TGDS: variants seen among roughly 807,000 people sequenced by gnomAD.
The protein encoded by TGDS is UDP-D-glucose 4,6-dehydratase.
In TGDS, 47 loss-of-function variants were observed where a neutral mutation model predicts 52.3. That is an observed-to-expected ratio of 0.90 (90% confidence interval 0.71 to 1.15). The LOEUF (loss-of-function observed/expected upper bound fraction) is 1.15. Among genes scored for constraint, TGDS ranks in the 50% most tolerant of loss-of-function variants. TGDS has a pLI of 0.00. For synonymous variants in TGDS, 115 were observed against 136.9 expected, an observed-to-expected ratio of 0.84 and a Z score of 1.12; for missense variants, 375 against 418.4, an observed-to-expected ratio of 0.90 and a Z score of 0.90.
chr13:94,592,433 AGT>A, intron 2 of TGDS, 124 bp from the exon 3 acceptor site: 2 of 722,336 alleles, frequency 2.8e-6, no homozygotes. Context: ...GTCCTCTTAA[AGT>A]GTGTTTGCTC....
At chr13:94,580,966 G>A (rs757039903) in intron 6 of TGDS, 125 bp downstream of exon 6, 114 of 534,456 alleles carry the variant, frequency 2.1e-4, no homozygotes, top group Non-Finnish European at 3.1e-4. Context: ...GATTGCGACT[G>A]TCTCCGAACA....
intron 6 of TGDS, 96 bp from the exon 7 acceptor site, chr13:94,580,049 C>T (rs534404092): frequency 1.3e-6 from 1 of 744,748 alleles, no homozygotes; most frequent in East Asian, 2.8e-5. Flanking sequence ...GCACCTTTGC[C>T]TAAATAATTC....
Position 94,596,098 on chromosome 13 carries a change from G to A in TGDS, c.39C>T (p.Pro13=). The A allele has an allele frequency of 4.3e-6, 7 of 1,614,106 alleles. No individual in the cohort carries two copies. Among genetic ancestry groups the A allele is most frequent in the Non-Finnish European group, 5.1e-6 (6 of 1,180,016 alleles). Reference sequence around the variant, plus strand: ...CCAGGACCCGCTTCGCAAAGCCGCCGGGAAGACCCCACGGTTCCTCCCAAC... The same window carrying A: ...CCAGGACCCGCTTCGCAAAGCCGCCAGGAAGACCCCACGGTTCCTCCCAAC... ...AACWEEPWGL[P]GGFAKRVLVT... is the part of the protein sequence containing the mutation. Residue 13 remains proline, a synonymous_variant, in exon 1 of 12, where the codon CCC becomes CCT. Coordinates refer to ENST00000261296, the MANE Select transcript of TGDS (RefSeq NM_014305.4).
intron 3 of TGDS, 151 bp from the exon 4 acceptor site, chr13:94,591,094 A>G (rs1165939632): frequency 1.3e-5 from 8 of 603,274 alleles, no homozygotes; most frequent in Non-Finnish European, 2.3e-5. Flanking sequence ...AAGGATACCA[A>G]TGATGTATTT....
intron 4 of TGDS, among the ~76,000 whole-genome samples, chr13:94,588,962 T>C (rs1363266888): frequency 6.6e-6 from 1 of 152,198 alleles, no homozygotes; most frequent in Non-Finnish European, 1.5e-5. Flanking sequence ...ATTGGGGTTA[T>C]ATAAGAATTA....
chr13:94,579,423 A>G (rs1888712384), intron 7 of TGDS: 1 of 152,768 alleles, frequency 6.5e-6, no homozygotes, highest in Non-Finnish European at 1.5e-5. Flanking sequence ...TCGTGCCTAC[A>G]CAATAAAGAT....
chr13:94,582,091 G>A (rs1218455360), intron 5 of TGDS, among the ~76,000 whole-genome samples: 1 of 151,990 alleles, frequency 6.6e-6, no homozygotes, highest in Non-Finnish European at 1.5e-5. Context: ...CCAGCTACTC[G>A]GGAGGCTGAG....
intron 4 of TGDS, among the ~76,000 whole-genome samples, chr13:94,589,589 C>T (rs1376584141): frequency 6.6e-6 from 1 of 152,206 alleles, no homozygotes; most frequent in African/African-American, 2.4e-5. Flanking sequence ...TCTGGGATTA[C>T]AGGCGTGAGC....
At chr13:94,585,015 T>TC (rs1303547947) in intron 4 of TGDS, among the ~76,000 whole-genome samples, 3 of 152,168 alleles carry the variant, frequency 2.0e-5, no homozygotes, top group Non-Finnish European at 4.4e-5. Flanking sequence ...ACCTGGCTTT[T>TC]CCATAACAAT....
At chr13:94,580,012 A>G (rs1888729937) in intron 6 of TGDS, 59 bp from the exon 7 acceptor site, 1 of 1,163,112 alleles carries the variant, frequency 8.6e-7, no homozygotes, top group African/African-American at 1.6e-5. Context: ...TGATTATTTT[A>G]AAGATAAGCA....
At position 94,577,383 on chromosome 13, in the gene TGDS, T is replaced by A. The variant is rs544524588; in HGVS notation, c.872A>T (p.Tyr291Phe). The change falls in exon 10 of 12, where the codon TAT becomes TTT. Residue 291 changes from tyrosine to phenylalanine, a missense_variant. Physicochemically the swap from Tyr to Phe is conservative, Grantham distance 22 (BLOSUM62 3). Coordinates refer to ENST00000261296, the MANE Select transcript of TGDS (RefSeq NM_014305.4). ...ACTTGTTACTCACCTATCATTAACA[T>A]AATCAACCCAATTTTCCATTTCAGA... is the stretch of plus-strand genomic sequence containing the variant. ...SESEMENWVDYVNDRPTNDMR... is the reference protein window; with the variant it reads ...SESEMENWVDFVNDRPTNDMR... 1 of 1,574,946 alleles carries A rather than the reference T, an allele frequency of 6.3e-7. No individual in the cohort carries two copies. Among genetic ancestry groups the A allele is most frequent in the Non-Finnish European group, 8.6e-7 (1 of 1,164,956 alleles).
Position 94,576,307 on chromosome 13 carries a change from A to G in TGDS, c.982+7T>C. On this transcript the variant is annotated splice_region_variant and intron_variant, in intron 11 of 11. Transcript: ENST00000261296. ...CTTGCCCCCAAAATGATTAATTCAA[A>G]ACATACTTGTTTTCTTTATTCCTTC... 1 of 1,579,400 alleles carries G rather than the reference A, an allele frequency of 6.3e-7. No individual in the cohort carries two copies. Among genetic ancestry groups the G allele is most frequent in the Non-Finnish European group, 8.6e-7 (1 of 1,165,128 alleles).
rs1233005543 is a variant in TGDS, at chr13:94,578,162, T to C, written c.668A>G (p.His223Arg). ...GTTTCTTGTTTGAAGCCCTGACCCA[T>C]GAATGCAACTAAAGAGATTAAACGA... ...LLQHNRKCCI[H>R]GSGLQTRNFL... Residue 223 changes from histidine (H) to arginine (R), a missense_variant, in exon 9 of 12, where the codon CAT (histidine) becomes CGT (arginine). His to Arg is a conservative substitution (Grantham distance 29). Transcript: ENST00000261296. 1.2e-6 allele frequency: 2 copies of C among 1,613,500 alleles called. No individual in the cohort carries two copies. The highest frequency in any genetic ancestry group is 2.2e-5 in the South Asian group (2 of 91,014).
At chr13:94,593,963 G>T in intron 1 of TGDS, 56 bp from the exon 2 acceptor site, 2 of 1,119,210 alleles carry the variant, frequency 1.8e-6, no homozygotes, top group Non-Finnish European at 2.6e-6. Flanking sequence ...CTAAACTCTT[G>T]AATATTTTCC....
intron 6 of TGDS, among the ~76,000 whole-genome samples, chr13:94,580,822 T>C (rs1047471340): frequency 2.0e-5 from 3 of 152,244 alleles, no homozygotes; most frequent in Non-Finnish European, 2.9e-5. Context: ...TCTCAATCTA[T>C]GCCTTCTACT....
chr13:94,581,819 C>T (rs914831140), intron 5 of TGDS, among the ~76,000 whole-genome samples: 1 of 152,148 alleles, frequency 6.6e-6, no homozygotes, highest in African/African-American at 2.4e-5. Flanking sequence ...GAGATCACTG[C>T]AGACACCAAT....
At chr13:94,596,220 C>T (rs1186846894), upstream of TGDS, 44 of 1,443,234 alleles carry the variant, frequency 3.0e-5, no homozygotes, top group Non-Finnish European at 3.9e-5. Context: ...TTGCGACGCG[C>T]CTCGCTCGCG....
intron 7 of TGDS, among the ~76,000 whole-genome samples, chr13:94,579,015 A>T (rs192148730): frequency 4.1e-4 from 63 of 152,324 alleles, no homozygotes; most frequent in African/African-American, 1.4e-3. Flanking sequence ...ATGCAGAAAA[A>T]GTCTTCATCA....
intron 11 of TGDS, among the ~76,000 whole-genome samples, 181 bp from the exon 12 acceptor site, chr13:94,575,033 G>A (rs1337408510): frequency 1.3e-5 from 2 of 151,956 alleles, no homozygotes; most frequent in Non-Finnish European, 2.9e-5. Context: ...TCAATCAGAA[G>A]ACATTTAAAT....
Sources: allele counts gnomAD v4.1 joint callset (sites outside exome capture counted in the v4.1 genomes callset), GRCh38; gene constraint gnomAD v4.1.1; transcripts MANE v1.5; gene names NCBI Gene and HGNC (gene_info 2026-07-23, HGNC 2026-07-21).